Variants in ISM1 observed in about 807,000 individuals in gnomAD.
The protein encoded by ISM1 is isthmin-1.
ISM1 carries 25 observed loss-of-function variants against 46.3 expected under a neutral mutation model. The observed-to-expected ratio is 0.54, with a 90% CI of 0.39 to 0.75. The LOEUF is 0.75. ISM1 is among the 30% of genes least tolerant of loss of function. The pLI, the probability that ISM1 is intolerant of heterozygous loss-of-function variation, is 0.00. For missense variants in ISM1, 536 were observed against 625.4 expected (o/e 0.86, Z 1.52); for synonymous variants, 255 against 256.7 (o/e 0.99, Z 0.06).
At chr20:13,241,527 A>C (rs924095479) in intron 1 of ISM1, among the ~76,000 whole-genome samples, 2 of 152,136 alleles carry the variant, frequency 1.3e-5, no homozygotes, top group African/African-American at 2.4e-5. Context: ...TGTTCTGTGT[A>C]ACAATTGGGA....
At chr20:13,288,790 T>TC in intron 4 of ISM1, 107 bp downstream of exon 4, 1 of 1,178,438 alleles carries the variant, frequency 8.5e-7, no homozygotes, top group Non-Finnish European at 1.2e-6. Context: ...ACTTTTCTTT[T>TC]CTTTTTTTTT....
chr20:13,280,588 TC>T, intron 3 of ISM1, among the ~76,000 whole-genome samples: 1 of 152,292 alleles, frequency 6.6e-6, no homozygotes, highest in Non-Finnish European at 1.5e-5. Flanking sequence ...ATTTTGGAGT[TC>T]CACCAACTGT....
the ISM1 span, among the ~76,000 whole-genome samples, chr20:13,316,874 C>CT: frequency 1.3e-5 from 2 of 151,634 alleles, no homozygotes; most frequent in Non-Finnish European, 3.0e-5. Flanking sequence ...AGATTAGGTA[C>CT]AAAGCAAAAA....
intron 1 of ISM1, among the ~76,000 whole-genome samples, chr20:13,263,385 C>T (rs1369152529): frequency 2.0e-5 from 3 of 151,828 alleles, no homozygotes; most frequent in Non-Finnish European, 4.4e-5. Context: ...CATCCATCTT[C>T]CTGAGCACTA....
intron 4 of ISM1, among the ~76,000 whole-genome samples, chr20:13,290,327 AATG>A (rs1413454890): frequency 1.1e-4 from 17 of 152,192 alleles, no homozygotes; most frequent in Admixed American, 9.8e-4. Context: ...AAACGAAAAT[AATG>A]ATGAAGGTAA....
At chr20:13,241,086 G>A (rs779267921) in intron 1 of ISM1, among the ~76,000 whole-genome samples, 3 of 152,050 alleles carry the variant, frequency 2.0e-5, no homozygotes, top group Admixed American at 6.5e-5. Flanking sequence ...GACTTCTATC[G>A]AATGCTGCTG....
At chr20:13,275,556 G>A (rs192573828) in intron 2 of ISM1, among the ~76,000 whole-genome samples, 5 of 152,314 alleles carry the variant, frequency 3.3e-5, no homozygotes, top group South Asian at 2.1e-4. Context: ...CTTGACCTCC[G>A]TAGCCCCATG....
chr20:13,231,629 C>T (rs1362985751), intron 1 of ISM1, among the ~76,000 whole-genome samples: 1 of 152,130 alleles, frequency 6.6e-6, no homozygotes, highest in African/African-American at 2.4e-5. Context: ...GGTTAACTAC[C>T]CCTTCTTCCT....
At chr20:13,288,284 T>C (rs546909907) in intron 3 of ISM1, among the ~76,000 whole-genome samples, 130 of 152,296 alleles carry the variant, frequency 8.5e-4, no homozygotes, top group African/African-American at 3.1e-3. Flanking sequence ...ATGTATGCAT[T>C]CTCAGTAAGT....
At chr20:13,224,741 AAGT>A (rs2039494302) in intron 1 of ISM1, among the ~76,000 whole-genome samples, 1 of 152,160 alleles carries the variant, frequency 6.6e-6, no homozygotes, top group African/African-American at 2.4e-5. Context: ...ACGCCCAATA[AAGT>A]AGTAGTAAGA....
At chr20:13,306,564 C>CAAAAAAAAAAACAAAA in the ISM1 span, among the ~76,000 whole-genome samples, 1 of 63,916 alleles carries the variant, frequency 1.6e-5, no homozygotes, top group Non-Finnish European at 2.6e-5. Flanking sequence ...GGAGAAAGGA[C>CAAAAAAAAAAACAAAA]AAAAAAAAAA....
Position 13,279,827 on chromosome 20 carries a change from A to C in ISM1, c.572A>C (p.Asn191Thr), listed in dbSNP as rs538119716. 3.9e-5 allele frequency: 63 copies of C among 1,613,420 alleles called. 1 individual carries two copies. In the South Asian group the frequency reaches 6.7e-4, roughly 17 times the overall value. ...ACCTCAGACGACAGCAACTTCCTCAACCCCCCCAGGGGGTGGGACCATACA... is the reference window on the plus strand; with the variant it reads ...ACCTCAGACGACAGCAACTTCCTCACCCCCCCCAGGGGGTGGGACCATACA... The part of the protein sequence containing the change: ...DSTSDDSNFL[N>T]PPRGWDHTAP... The change falls in exon 3 of 6, where the codon AAC becomes ACC. Residue 191 changes from asparagine (N) to threonine (T), a missense_variant. Physicochemically the swap from Asn to Thr is moderately conservative, Grantham distance 65 (BLOSUM62 0). Coordinates refer to ENST00000262487, the MANE Select transcript of ISM1 (RefSeq NM_080826.2).
chr20:13,268,382 C>G (rs892838044), intron 1 of ISM1, among the ~76,000 whole-genome samples: 1 of 133,460 alleles, frequency 7.5e-6, no homozygotes, highest in Non-Finnish European at 1.7e-5. Flanking sequence ...CTCTCTCTCT[C>G]TCTCTCTCTC....
At chr20:13,248,658 T>C (rs2039829829) in intron 1 of ISM1, among the ~76,000 whole-genome samples, 1 of 152,228 alleles carries the variant, frequency 6.6e-6, no homozygotes, top group Non-Finnish European at 1.5e-5. Flanking sequence ...TTCAGTTCAC[T>C]TCTTTTCGTC....
chr20:13,310,187 A>G, the ISM1 span, among the ~76,000 whole-genome samples: 2 of 152,356 alleles, frequency 1.3e-5, no homozygotes, highest in East Asian at 3.9e-4. Flanking sequence ...ATGTCAAAAT[A>G]TACTACAAAG....
the ISM1 span, among the ~76,000 whole-genome samples, chr20:13,319,190 T>C: frequency 2.0e-5 from 3 of 151,858 alleles, no homozygotes; most frequent in Non-Finnish European, 4.4e-5. Context: ...TCTGAAACAA[T>C]AGTCTATTTT....
At chr20:13,320,403 G>A in the ISM1 span, among the ~76,000 whole-genome samples, 1 of 152,300 alleles carries the variant, frequency 6.6e-6, no homozygotes, top group Admixed American at 6.5e-5. Context: ...ACAGAACTTA[G>A]AGACAAATGG....
intron 1 of ISM1, among the ~76,000 whole-genome samples, chr20:13,252,614 G>A (rs1437398639): frequency 6.6e-6 from 1 of 152,134 alleles, no homozygotes. Flanking sequence ...CATTAGCTGG[G>A]TGTGGTGGCG....
chr20:13,292,055 AGTTT>A (rs1482998184), intron 4 of ISM1, among the ~76,000 whole-genome samples: 2 of 152,198 alleles, frequency 1.3e-5, no homozygotes, highest in East Asian at 3.9e-4. Flanking sequence ...CCTCTGGTTT[AGTTT>A]GTCACCCTGA....
Sources: allele counts gnomAD v4.1 joint callset (sites outside exome capture counted in the v4.1 genomes callset), GRCh38; gene constraint gnomAD v4.1.1; transcripts MANE v1.5; gene names NCBI Gene and HGNC (gene_info 2026-07-23, HGNC 2026-07-21).